CNTNAP2: variants seen among roughly 807,000 people sequenced by gnomAD.
CNTNAP2 encodes the protein contactin associated protein 2, also known as contactin-associated protein-like 2.
A neutral mutation model predicts 155.2 loss-of-function variants in CNTNAP2; 98 were observed. The observed-to-expected ratio is 0.63, with a 90% CI of 0.54 to 0.75. The LOEUF is 0.75. CNTNAP2 is among the 30% of genes least tolerant of loss of function. CNTNAP2 has a pLI of 0.00. For missense variants in CNTNAP2, 1,727 were observed against 1,688.1 expected, an observed-to-expected ratio of 1.02 and a Z score of -0.40; for synonymous variants, 651 against 631.2, an observed-to-expected ratio of 1.03 and a Z score of -0.47.
At chr7:147,634,541 C>A (rs759805605) in intron 12 of CNTNAP2, among the ~76,000 whole-genome samples, 1 of 151,916 alleles carries the variant, frequency 6.6e-6, no homozygotes, top group South Asian at 2.1e-4. Flanking sequence ...TCAGAAATCA[C>A]CACTAAAGAA....
intron 1 of CNTNAP2, among the ~76,000 whole-genome samples, chr7:146,744,773 A>G (rs921099978): frequency 6.6e-6 from 1 of 152,168 alleles, no homozygotes; most frequent in African/African-American, 2.4e-5. Flanking sequence ...GTGCAATAGA[A>G]CTGGATTTGA....
chr7:146,550,095 G>T (rs1798092102), intron 1 of CNTNAP2, among the ~76,000 whole-genome samples: 1 of 152,026 alleles, frequency 6.6e-6, no homozygotes, highest in Admixed American at 6.6e-5. Flanking sequence ...AAATTAAAGG[G>T]ATTAAACTTG....
chr7:148,380,848 T>A (rs937471737), intron 21 of CNTNAP2, among the ~76,000 whole-genome samples: 1 of 152,196 alleles, frequency 6.6e-6, no homozygotes, highest in African/African-American at 2.4e-5. Context: ...GCAGGATGCT[T>A]CCCTGACCGC....
chr7:148,138,933 A>G (rs1005159090), intron 16 of CNTNAP2, among the ~76,000 whole-genome samples: 1 of 152,234 alleles, frequency 6.6e-6, no homozygotes, highest in African/African-American at 2.4e-5. Flanking sequence ...GGTTAAATGC[A>G]TAGAAAAACT....
At chr7:147,243,291 C>T (rs1001573914) in intron 8 of CNTNAP2, among the ~76,000 whole-genome samples, 7 of 151,916 alleles carry the variant, frequency 4.6e-5, no homozygotes, top group East Asian at 1.9e-4. Context: ...CCACCGCACC[C>T]GGCCTGCTTT....
chr7:147,309,155 GC>G lies in CNTNAP2; in HGVS notation c.1498+8867del, dbSNP rs540501786. On this transcript the variant is annotated intron_variant, in intron 9 of 23. Transcript: ENST00000361727. Reference sequence around the variant, plus strand: ...GGGGGTAGAAAGTAAACTATTTATCGCCTCTTAAAATCTAAACTGGAAATTA... The same window carrying G: ...GGGGGTAGAAAGTAAACTATTTATCGCTCTTAAAATCTAAACTGGAAATTA... Among the ~76,000 whole-genome samples the G allele has an allele frequency of 3.9e-5, 6 of 152,120 alleles. No individual in the cohort carries two copies. In the South Asian group the frequency reaches 1.2e-3, roughly 32 times the overall value.
intron 9 of CNTNAP2, among the ~76,000 whole-genome samples, chr7:147,303,000 G>A (rs1404500309): frequency 6.6e-6 from 1 of 152,188 alleles, no homozygotes; most frequent in East Asian, 1.9e-4. Context: ...CTGAATGGTG[G>A]GATTCAGCTA....
chr7:147,746,994 A>T (rs1181738069), intron 13 of CNTNAP2, among the ~76,000 whole-genome samples: 3 of 152,216 alleles, frequency 2.0e-5, no homozygotes, highest in African/African-American at 7.2e-5. Flanking sequence ...GTATGCAAGT[A>T]GAGCTGTGGA....
rs377576718 is a variant in CNTNAP2 at position 146,480,744 on chromosome 7, A to C, written c.98-293527A>C. ...TGCTCTGTCACCCAGGCTGGAGTGCAGTGGTGCGATCTCGGCTCACCTCCG... is the reference window on the plus strand; with the variant it reads ...TGCTCTGTCACCCAGGCTGGAGTGCCGTGGTGCGATCTCGGCTCACCTCCG... On this transcript the variant is annotated intron_variant, in intron 1 of 23. Transcript: ENST00000361727. Among the ~76,000 whole-genome samples the C allele has an allele frequency of 4.6e-3, 626 of 135,756 alleles. 5 individuals are homozygous for C. Among genetic ancestry groups the C allele is most frequent in the African/African-American group, 0.017 (604 of 35,408 alleles). The allele number at this position is 135,756 out of a possible 152,430, so 89.1% of individuals were successfully genotyped here.
intron 1 of CNTNAP2, among the ~76,000 whole-genome samples, chr7:146,356,141 A>C (rs1794994773): frequency 6.6e-6 from 1 of 151,968 alleles, no homozygotes; most frequent in Non-Finnish European, 1.5e-5. Context: ...CTCAAATAGC[A>C]TTCCATTTTC....
intron 18 of CNTNAP2, among the ~76,000 whole-genome samples, chr7:148,172,723 T>C (rs1794844605): frequency 6.6e-6 from 1 of 152,200 alleles, no homozygotes; most frequent in South Asian, 2.1e-4. Context: ...AATTATTCAC[T>C]GCCCGAAACA....
intron 1 of CNTNAP2, among the ~76,000 whole-genome samples, chr7:146,133,609 T>A (rs1797751358): frequency 6.6e-6 from 1 of 152,134 alleles, no homozygotes; most frequent in Non-Finnish European, 1.5e-5. Flanking sequence ...AAGGAAGGGA[T>A]CCAGTTTCAG....
intron 20 of CNTNAP2, among the ~76,000 whole-genome samples, chr7:148,231,822 G>C (rs983831276): frequency 6.6e-5 from 10 of 152,182 alleles, no homozygotes; most frequent in African/African-American, 2.4e-4. Context: ...CACATCTCTT[G>C]ATTAGAGTGG....
chr7:146,494,321 G>A (rs1299651539), intron 1 of CNTNAP2, among the ~76,000 whole-genome samples: 6 of 151,394 alleles, frequency 4.0e-5, no homozygotes, highest in African/African-American at 1.2e-4. Context: ...GCCACAGAGC[G>A]AGACTCTATG....
intron 1 of CNTNAP2, among the ~76,000 whole-genome samples, chr7:146,325,053 G>A (rs1052616663): frequency 3.9e-5 from 6 of 151,946 alleles, no homozygotes; most frequent in African/African-American, 1.5e-4. Flanking sequence ...TCCCGCCTGA[G>A]CCTCCTGAGT....
In CNTNAP2 at chr7:147,475,270, C is replaced by T. The variant is rs143386626; in HGVS notation, c.1671-10665C>T. Among the ~76,000 whole-genome samples the T allele has an allele frequency of 2.8e-3, 432 of 152,212 alleles. 1 individual carries two copies. Among genetic ancestry groups the T allele is most frequent in the African/African-American group, 0.01 (417 of 41,504 alleles). ...TCTTAGACATGAAATGACTAGGTCT[C>T]AATATATGCACATTTGAAATTAATA... On this transcript the variant is annotated intron_variant, in intron 10 of 23. Coordinates refer to ENST00000361727, the MANE Select transcript of CNTNAP2 (RefSeq NM_014141.6).
chr7:146,513,139 T>A (rs547130706), intron 1 of CNTNAP2, among the ~76,000 whole-genome samples: 215 of 152,088 alleles, frequency 1.4e-3, no homozygotes, highest in African/African-American at 4.8e-3. Context: ...CTCCATTTAC[T>A]TGGAAACTTT....
At chr7:147,525,240 CAG>C (rs777303360) in intron 11 of CNTNAP2, among the ~76,000 whole-genome samples, 15 of 152,260 alleles carry the variant, frequency 9.9e-5, no homozygotes, top group Non-Finnish European at 2.1e-4. Context: ...CAAAGAAACA[CAG>C]AGCATATGCT....
At chr7:146,775,574 G>T (rs1802375481) in intron 2 of CNTNAP2, among the ~76,000 whole-genome samples, 1 of 150,606 alleles carries the variant, frequency 6.6e-6, no homozygotes, top group South Asian at 2.1e-4. Context: ...GAGGGAAGGA[G>T]AAAGGGAGGG....
Sources: allele counts gnomAD v4.1 joint callset (sites outside exome capture counted in the v4.1 genomes callset), GRCh38; gene constraint gnomAD v4.1.1; transcripts MANE v1.5; gene names NCBI Gene and HGNC (gene_info 2026-07-23, HGNC 2026-07-21).